The following SLC20A2 variants were observed in gnomAD, a reference collection of about 807,000 sequenced individuals.
The protein encoded by SLC20A2 is solute carrier family 20 member 2.
A neutral mutation model predicts 61.0 loss-of-function variants in SLC20A2; 30 were observed. The observed-to-expected ratio is 0.49, with a 90% CI of 0.37 to 0.67. SLC20A2 has a LOEUF of 0.67. Ranked by LOEUF, SLC20A2 falls within the 30% of genes least tolerant of loss-of-function variation. The pLI, the probability that SLC20A2 is intolerant of heterozygous loss-of-function variation, is 0.00. For synonymous variants in SLC20A2, 351 were observed against 353.3 expected (o/e 0.99, Z 0.07); for missense variants, 626 against 866.4 (o/e 0.72, Z 3.48).
At chr8:42,506,138 G>A (rs1197309993), upstream of SLC20A2, among the ~76,000 whole-genome samples, 5 of 151,908 alleles carry the variant, frequency 3.3e-5, no homozygotes, top group African/African-American at 7.3e-5. Context: ...ACGGGGTTTC[G>A]CCATGTTGGC....
chr8:42,422,235 T>C (rs1356599223), intron 10 of SLC20A2, among the ~76,000 whole-genome samples: 1 of 152,196 alleles, frequency 6.6e-6, no homozygotes, highest in Non-Finnish European at 1.5e-5. Context: ...ATATTTTTAG[T>C]AGAGACGGGG....
intron 1 of SLC20A2, among the ~76,000 whole-genome samples, chr8:42,492,235 A>G (rs886626586): frequency 1.3e-5 from 2 of 152,160 alleles, no homozygotes; most frequent in African/African-American, 4.8e-5. Context: ...GGGCGCCTGT[A>G]ATCCCAGCTA....
Position 42,472,154 on chromosome 8 carries a change from C to T in SLC20A2, c.237G>A (p.Leu79=). 1 of 1,614,036 alleles carries T rather than the reference C, an allele frequency of 6.2e-7. No individual in the cohort carries two copies. The highest frequency in any genetic ancestry group is 8.5e-7 in the Non-Finnish European group (1 of 1,180,044). ...TGAGAGTCTCCACCGTCTCGTTGTA[C>T]AGGTTCACGTCAATGATACCTTTGC... The part of the protein sequence containing the change: ...TIRKGIIDVN[L]YNETVETLMA... The change falls in exon 2 of 11, where the codon CTG becomes CTA. Residue 79 remains leucine (L), a synonymous_variant. Coordinates refer to ENST00000520262, the MANE Select transcript of SLC20A2 (RefSeq NM_001257180.2). This position sits in a 1 kb window ranked among gnomAD's most constrained non-coding sequence, Gnocchi z 4.1.
chr8:42,529,101 A>G (rs1294649879), intron 1 of SLC20A2, among the ~76,000 whole-genome samples: 1 of 152,038 alleles, frequency 6.6e-6, no homozygotes, highest in Admixed American at 6.6e-5. Context: ...CACTTTCCCA[A>G]GTAGATGGGA....
chr8:42,450,527 C>A (rs1255370427), intron 5 of SLC20A2, among the ~76,000 whole-genome samples: 1 of 150,388 alleles, frequency 6.6e-6, no homozygotes, highest in Non-Finnish European at 1.5e-5. Context: ...CTGCGCCCGG[C>A]CTCTTTTTTT....
At chr8:42,455,241 A>ATATATAT (rs1554555112) in intron 5 of SLC20A2, among the ~76,000 whole-genome samples, 47 of 102,566 alleles carry the variant, frequency 4.6e-4, no homozygotes, top group African/African-American at 2.0e-3. Context: ...AAAAAAAAAA[A>ATATATAT]ATATATATAT....
At chr8:42,533,654 C>CTTTTTTTTTTTTTTTTTTTTTTT (rs1162369065) in intron 1 of SLC20A2, among the ~76,000 whole-genome samples, 27 of 55,280 alleles carry the variant, frequency 4.9e-4, no homozygotes, top group African/African-American at 1.1e-3. Context: ...ATCAACTGTT[C>CTTTTTTTTTTTTTTTTTTTTTTT]TTTTTTTTTT....
intron 1 of SLC20A2, among the ~76,000 whole-genome samples, chr8:42,512,968 C>T (rs560531153): frequency 2.6e-5 from 4 of 152,290 alleles, no homozygotes; most frequent in Admixed American, 6.5e-5. Context: ...ACGAATAACA[C>T]AAAACACCCC....
chr8:42,442,670 C>T (rs1804872681), intron 6 of SLC20A2, among the ~76,000 whole-genome samples: 1 of 152,196 alleles, frequency 6.6e-6, no homozygotes, highest in South Asian at 2.1e-4. Context: ...TCCAGCTCAT[C>T]TAGTTTCTTT....
At chr8:42,494,576 CATA>C (rs1809772225) in intron 1 of SLC20A2, among the ~76,000 whole-genome samples, 1 of 152,200 alleles carries the variant, frequency 6.6e-6, no homozygotes, top group South Asian at 2.1e-4. Context: ...GTCATAAATA[CATA>C]ATGTTTTGTA....
At position 42,472,700 on chromosome 8, in the gene SLC20A2, T is replaced by C; in HGVS notation, c.-264-46A>G. 3.8e-6 allele frequency: 1 copy of C among 264,670 alleles called. No homozygotes were observed. 16.4% of individuals were successfully genotyped at this position (264,670 alleles called of 1,614,324 possible). On this transcript the variant is annotated intron_variant, in intron 1 of 10. Transcript: ENST00000520262. The surrounding 1 kb of genome is among the most constrained non-coding windows in gnomAD (Gnocchi z 4.1). ...AAGAAATCAATTATACTCAGCAACC[T>C]GTAACAGTTTGTTCTTTCAGAAATA...
intron 8 of SLC20A2, 145 bp from the exon 9 acceptor site, chr8:42,430,394 G>A (rs1427096079): frequency 9.5e-6 from 7 of 735,410 alleles, no homozygotes; most frequent in Non-Finnish European, 1.5e-5. Flanking sequence ...ACAGAGTCTT[G>A]CTCTGTTGCC....
chr8:42,446,547 T>C (rs531244060), intron 5 of SLC20A2, among the ~76,000 whole-genome samples: 2 of 152,358 alleles, frequency 1.3e-5, no homozygotes, highest in East Asian at 3.9e-4. Flanking sequence ...GTCTTATGAA[T>C]TATGCAGGTC....
Position 42,514,769 on chromosome 8 carries a change from G to GA in SLC20A2, c.-265+27051dup, listed in dbSNP as rs35484439. On this transcript the variant is annotated intron_variant, in intron 1 of 10. Coordinates refer to the SLC20A2 transcript ENST00000342228. ...TAATACTCTGTTTGAAAAAAAAAAA[G>GA]AAAAAAAAAAAGCCCTTTTCCTAAG... is the stretch of plus-strand genomic sequence containing the variant. Among the ~76,000 whole-genome samples, 1,217 of 134,196 alleles carry GA rather than the reference G, an allele frequency of 9.1e-3. 10 individuals carry two copies. Among genetic ancestry groups the GA allele is most frequent in the African/African-American group, 0.031 (1,116 of 36,244 alleles). The allele number at this position is 134,196 out of a possible 152,430, so 88.0% of individuals were successfully genotyped here.
chr8:42,508,341 G>A (rs577434690), intron 1 of SLC20A2, among the ~76,000 whole-genome samples: 2 of 150,444 alleles, frequency 1.3e-5, no homozygotes, highest in East Asian at 1.9e-4. Context: ...CTTGGAGGGA[G>A]TGGTATTTGT....
At chr8:42,442,061 G>A (rs1341546992) in intron 6 of SLC20A2, among the ~76,000 whole-genome samples, 1 of 148,872 alleles carries the variant, frequency 6.7e-6, no homozygotes, top group Admixed American at 6.6e-5. Flanking sequence ...AGCCTCCCAA[G>A]TAGCTGGGAT....
At chr8:42,453,519 G>C (rs1805904411) in intron 5 of SLC20A2, among the ~76,000 whole-genome samples, 1 of 152,072 alleles carries the variant, frequency 6.6e-6, no homozygotes, top group East Asian at 1.9e-4. Flanking sequence ...ACACGAACTA[G>C]GACACCACGG....
chr8:42,445,590 G>A (rs374393926), intron 5 of SLC20A2, among the ~76,000 whole-genome samples: 80 of 152,124 alleles, frequency 5.3e-4, no homozygotes, highest in Non-Finnish European at 8.2e-4. Flanking sequence ...AGCCAGGCGC[G>A]GTGACAGGCG....
intron 2 of SLC20A2, among the ~76,000 whole-genome samples, chr8:42,466,207 T>A (rs975049908): frequency 1.1e-4 from 17 of 152,168 alleles, no homozygotes; most frequent in Non-Finnish European, 2.1e-4. Context: ...TGATCTTGGC[T>A]CACTGCAACC....
Sources: gnomAD v4.1 joint callset for allele counts (sites outside exome capture counted in the v4.1 genomes callset) on GRCh38, gnomAD v4.1.1 for gene constraint, Gnocchi (gnomAD v3.1) non-coding constraint, MANE v1.5 for transcripts, NCBI Gene and HGNC (gene_info 2026-07-23, HGNC 2026-07-21) for gene names.